The following RNF183 variants were observed in gnomAD, a reference collection of about 807,000 sequenced individuals.
The protein encoded by RNF183 is ring finger protein 183.
RNF183 carries 4 observed loss-of-function variants against 9.0 expected under a neutral mutation model. The observed-to-expected ratio is 0.44, with a 90% CI of 0.22 to 1.01. The LOEUF (loss-of-function observed/expected upper bound fraction) is 1.01. RNF183 is among the 50% of genes least tolerant of loss of function. RNF183 has a pLI of 0.25. For synonymous variants in RNF183, 102 were observed against 107.5 expected, an observed-to-expected ratio of 0.95 and a Z score of 0.32; for missense variants, 227 against 253.6, an observed-to-expected ratio of 0.89 and a Z score of 0.71.
In RNF183 at chr9:113,298,280, C is replaced by T. The variant is rs1010119813; in HGVS notation, c.-37-59G>A. ...CATGAAGTCCCATCCTTGTGCTTGGCCTGGGGCAAAGTGTTCTGTGGGTGT... is the reference window on the plus strand; with the variant it reads ...CATGAAGTCCCATCCTTGTGCTTGGTCTGGGGCAAAGTGTTCTGTGGGTGT... On this transcript the variant is annotated intron_variant, in intron 4 of 4. Transcript: ENST00000489339. The surrounding 1 kb of genome is among the most constrained non-coding windows in gnomAD (Gnocchi z 4.9). 5 of 1,078,758 alleles carry T rather than the reference C, an allele frequency of 4.6e-6. No individual in the cohort carries two copies. The African/African-American group carries it at 6.3e-5, about 14-fold the overall frequency. The allele number at this position is 1,078,758 out of a possible 1,614,324, so 66.8% of individuals were successfully genotyped here.
chr9:113,300,559 G>A (rs1462483360), intron 3 of RNF183, among the ~76,000 whole-genome samples: 1 of 152,218 alleles, frequency 6.6e-6, no homozygotes, highest in Non-Finnish European at 1.5e-5. Flanking sequence ...AGAGATGACA[G>A]AAGAGCTGAG....
At chr9:113,300,461 AT>A in intron 3 of RNF183, among the ~76,000 whole-genome samples, 1 of 152,226 alleles carries the variant, frequency 6.6e-6, no homozygotes, top group Non-Finnish European at 1.5e-5. Context: ...CACAATTTTA[AT>A]GGTTGTTAAT....
In RNF183 at chr9:113,297,661, A is replaced by C; in HGVS notation, c.524T>G (p.Leu175Arg). The C allele has an allele frequency of 6.2e-7, 1 of 1,613,364 alleles. No homozygotes were observed. The highest frequency in any genetic ancestry group is 8.5e-7 in the Non-Finnish European group (1 of 1,179,642). The part of the protein sequence containing the change: ...YLMAVILSVT[L>R]LLIFSIFWTK... ...CCAAAAGATGGAGAATATGAGCAAC[A>C]GAGTGACACTGAGGATGACGGCCAT... Residue 175 changes from leucine to arginine, a missense_variant, in exon 5 of 5, where the codon CTG becomes CGG. Leu to Arg is a moderately radical substitution (Grantham distance 102). Coordinates refer to ENST00000489339, the MANE Select transcript of RNF183 (RefSeq NM_001371237.1).
chr9:113,299,364 G>A (rs955478204), intron 4 of RNF183: 4 of 152,362 alleles, frequency 2.6e-5, no homozygotes, highest in Admixed American at 2.0e-4. Context: ...GGGTAACTGA[G>A]TCTTCTGGGC....
rs1314864925 is a variant in RNF183 at position 113,297,435 on chromosome 9, G to GT, written c.*170dup. The GT allele has an allele frequency of 1.1e-5, 6 of 526,574 alleles. No individual in the cohort carries two copies. The South Asian group carries it at 1.4e-4, about 12-fold the overall frequency. 32.6% of individuals were successfully genotyped at this position (526,574 alleles called of 1,614,324 possible). A position where few individuals can be genotyped will look rare whatever the true frequency, so the allele number is the denominator to read the frequency against. On this transcript the variant is annotated 3_prime_UTR_variant, in exon 5 of 5. Coordinates refer to ENST00000489339, the MANE Select transcript of RNF183 (RefSeq NM_001371237.1). The stretch of plus-strand genomic sequence containing the variant: ...CATCTCCCAGTCCTTCAAGCTTTTC[G>GT]TTTTTTTGTTTTTTTTTAAAATTGT...
rs1374617537 is a variant in RNF183 at position 113,299,721 on chromosome 9, T to G, written c.-187A>C. On this transcript the variant is annotated 5_prime_UTR_variant, in exon 4 of 5. Coordinates refer to ENST00000489339, the MANE Select transcript of RNF183 (RefSeq NM_001371237.1). ...CTTCTCCGTTTCAACCAGAAATACTTGGCTTTTCTCTGTTTCTCATATGGG... is the reference window on the plus strand; with the variant it reads ...CTTCTCCGTTTCAACCAGAAATACTGGGCTTTTCTCTGTTTCTCATATGGG... The G allele has an allele frequency of 6.6e-6, 1 of 152,216 alleles. No homozygotes were observed. The highest frequency in any genetic ancestry group is 1.5e-5 in the Non-Finnish European group (1 of 68,040). 9.4% of individuals were successfully genotyped at this position (152,216 alleles called of 1,614,324 possible). A position where few individuals can be genotyped will look rare whatever the true frequency, so the allele number is the denominator to read the frequency against.
chr9:113,298,132 T>A lies in RNF183; in HGVS notation c.53A>T (p.Asn18Ile), dbSNP rs917076572. Residue 18 changes from asparagine to isoleucine, a missense_variant, in exon 5 of 5, where the codon AAC (asparagine) becomes ATC (isoleucine). Physicochemically the swap from Asn to Ile is moderately radical, Grantham distance 149 (BLOSUM62 -3). Transcript: ENST00000489339. This position sits in a 1 kb window ranked among gnomAD's most constrained non-coding sequence, Gnocchi z 4.9. ...GGTATGGAACGTGTTGTTGAAGGGG[T>A]TCCAGCAGACGGGGCACTCAGCCTC... The part of the protein sequence containing the change: ...ELEAECPVCW[N>I]PFNNTFHTPK... 1.2e-6 allele frequency: 2 copies of A among 1,613,284 alleles called. No individual in the cohort carries two copies. Among genetic ancestry groups the A allele is most frequent in the African/African-American group, 2.7e-5 (2 of 74,746 alleles).
At chr9:113,302,578 T>C (rs1030545900) in intron 1 of RNF183, among the ~76,000 whole-genome samples, 2 of 152,148 alleles carry the variant, frequency 1.3e-5, no homozygotes, top group Admixed American at 6.5e-5. Flanking sequence ...TTTGGGATTT[T>C]TTGTTGTTGT....
At position 113,298,035 on chromosome 9, in the gene RNF183, G is replaced by A; in HGVS notation, c.150C>T (p.Ala50=). Residue 50 remains alanine, a synonymous_variant, in exon 5 of 5, where the codon GCC becomes GCT. Transcript: ENST00000489339. This position sits in a 1 kb window ranked among gnomAD's most constrained non-coding sequence, Gnocchi z 4.9. ...AGAGTGGGCACAGCAGGCGGCGCCG[G>A]GCTGGAGTCACAAGGCTGAGGTGGG... is the stretch of plus-strand genomic sequence containing the variant. ...CLAHLSLVTP[A]RRRLLCPLCR... is the part of the protein sequence containing the mutation. 6.2e-7 allele frequency: 1 copy of A among 1,614,034 alleles called. No homozygotes were observed. The highest frequency in any genetic ancestry group is 8.5e-7 in the Non-Finnish European group (1 of 1,180,018).
At chr9:113,299,282 C>G (rs546415818) in intron 4 of RNF183, 1 of 152,458 alleles carries the variant, frequency 6.6e-6, no homozygotes, top group Non-Finnish European at 1.5e-5. Flanking sequence ...AGATTGTGGG[C>G]AGTCCCTTCA....
chr9:113,300,595 C>T (rs1015194341), intron 3 of RNF183, among the ~76,000 whole-genome samples: 2 of 152,068 alleles, frequency 1.3e-5, no homozygotes, highest in Admixed American at 6.5e-5. Flanking sequence ...AATCCAGCCA[C>T]GCACAGTGGA....
chr9:113,298,267 T>A lies in RNF183; in HGVS notation c.-37-46A>T. Reference sequence around the variant, plus strand: ...GCAAAGGAACAGCCATGAAGTCCCATCCTTGTGCTTGGCCTGGGGCAAAGT... The same window carrying A: ...GCAAAGGAACAGCCATGAAGTCCCAACCTTGTGCTTGGCCTGGGGCAAAGT... On this transcript the variant is annotated intron_variant, in intron 4 of 4. Coordinates refer to ENST00000489339, the MANE Select transcript of RNF183 (RefSeq NM_001371237.1). This position sits in a 1 kb window ranked among gnomAD's most constrained non-coding sequence, Gnocchi z 4.9. 7 of 1,214,472 alleles carry A rather than the reference T, an allele frequency of 5.8e-6. No individual in the cohort carries two copies. Among genetic ancestry groups the A allele is most frequent in the Non-Finnish European group, 5.9e-6 (5 of 845,898 alleles). The allele number at this position is 1,214,472 out of a possible 1,614,324, so 75.2% of individuals were successfully genotyped here.
rs565143383 is a variant in RNF183, at chr9:113,297,851, G to A, written c.334C>T (p.Gln112Ter). Residue 112 changes from glutamine to a stop codon, truncating the protein, a stop_gained, in exon 5 of 5, where the codon CAG becomes TAG. Transcript: ENST00000489339. LOFTEE classifies it high-confidence loss of function. ...DQPKSRYFLR[Q>*]PQVYTLDLGP... Reference sequence around the variant, plus strand: ...AGGTCCAGCGTGTAGACTTGAGGCTGGCGCAGGAAGTAGCGGCTCTTGGGC... The same window carrying A: ...AGGTCCAGCGTGTAGACTTGAGGCTAGCGCAGGAAGTAGCGGCTCTTGGGC... The A allele has an allele frequency of 1.2e-6, 2 of 1,609,770 alleles. No individual in the cohort carries two copies. The highest frequency in any genetic ancestry group is 1.7e-5 in the Admixed American group (1 of 59,768).
intron 4 of RNF183, 49 bp downstream of exon 4, chr9:113,299,523 C>T (rs1832850069): frequency 6.6e-6 from 1 of 152,170 alleles, no homozygotes; most frequent in African/African-American, 2.4e-5. Context: ...GTCCAGTCAC[C>T]CGCTGATCTT....
rs1379513632 is a variant in RNF183 at position 113,298,214 on chromosome 9, G to A, written c.-30C>T. Reference sequence around the variant, plus strand: ...AGCCACACACGGGGAGGCTTCGCGGGAGACGTCCTGGCAGAAGGGGGAAAG... The same window carrying A: ...AGCCACACACGGGGAGGCTTCGCGGAAGACGTCCTGGCAGAAGGGGGAAAG... On this transcript the variant is annotated 5_prime_UTR_variant, in exon 5 of 5. Coordinates refer to ENST00000489339, the MANE Select transcript of RNF183 (RefSeq NM_001371237.1). This position sits in a 1 kb window ranked among gnomAD's most constrained non-coding sequence, Gnocchi z 4.9. 1 of 1,563,560 alleles carries A rather than the reference G, an allele frequency of 6.4e-7. No individual in the cohort carries two copies. Among genetic ancestry groups the A allele is most frequent in the African/African-American group, 1.3e-5 (1 of 74,222 alleles).
At chr9:113,302,374 TA>T (rs1832943692) in intron 1 of RNF183, 61 bp from the exon 2 acceptor site, 2 of 152,196 alleles carry the variant, frequency 1.3e-5, no homozygotes, top group Non-Finnish European at 2.9e-5. Context: ...TCAGCTACAG[TA>T]AATCCTAAAC....
rs555279934 is a variant in RNF183 at position 113,297,456 on chromosome 9, A to G, written c.*150T>C. The G allele has an allele frequency of 5.5e-6, 3 of 545,798 alleles. No individual in the cohort carries two copies. Among genetic ancestry groups the G allele is most frequent in the Non-Finnish European group, 9.4e-6 (3 of 320,150 alleles). 33.8% of individuals were successfully genotyped at this position (545,798 alleles called of 1,614,324 possible). A position where few individuals can be genotyped will look rare whatever the true frequency, so the allele number is the denominator to read the frequency against. On this transcript the variant is annotated 3_prime_UTR_variant, in exon 5 of 5. Coordinates refer to ENST00000489339, the MANE Select transcript of RNF183 (RefSeq NM_001371237.1). ...TTTCGTTTTTTTGTTTTTTTTTAAA[A>G]TTGTTCCCAGAAGCAAACACATGGC...
chr9:113,298,089 G>A lies in RNF183; in HGVS notation c.96C>T (p.Cys32=), dbSNP rs1203911478. 6.2e-7 allele frequency: 1 copy of A among 1,614,070 alleles called. No individual in the cohort carries two copies. Among genetic ancestry groups the A allele is most frequent in the Admixed American group, 1.7e-5 (1 of 60,018 alleles). ...NTFHTPKMLD[C]CHSFCVECLA... ...GACATTCCACGCAGAAGGAGTGGCAGCAATCCAGCATTTTGGGGGTATGGA... is the reference window on the plus strand; with the variant it reads ...GACATTCCACGCAGAAGGAGTGGCAACAATCCAGCATTTTGGGGGTATGGA... The change falls in exon 5 of 5, where the codon TGC becomes TGT. Residue 32 remains cysteine (C), a synonymous_variant. Transcript: ENST00000489339. The surrounding 1 kb of genome is among the most constrained non-coding windows in gnomAD (Gnocchi z 4.9).
At position 113,298,895 on chromosome 9, in the gene RNF183, C is replaced by G. The variant is rs1832827988; in HGVS notation, c.-37-674G>C. ...CTCTTCCCCTTCCAGAGCCTCTTCC[C>G]CATCCTCTGCCTACCCTGGCTCCTC... On this transcript the variant is annotated intron_variant, in intron 4 of 4. Transcript: ENST00000489339. This position sits in a 1 kb window ranked among gnomAD's most constrained non-coding sequence, Gnocchi z 4.9. 1 of 154,146 alleles carries G rather than the reference C, an allele frequency of 6.5e-6. No homozygotes were observed. The highest frequency in any genetic ancestry group is 2.4e-5 in the African/African-American group (1 of 41,468). The allele number at this position is 154,146 out of a possible 1,614,324, so 9.5% of individuals were successfully genotyped here. A position where few individuals can be genotyped will look rare whatever the true frequency, so the allele number is the denominator to read the frequency against.
Sources: gnomAD v4.1 joint callset for allele counts (sites outside exome capture counted in the v4.1 genomes callset) on GRCh38, gnomAD v4.1.1 for gene constraint, Gnocchi (gnomAD v3.1) non-coding constraint, MANE v1.5 for transcripts, NCBI Gene and HGNC (gene_info 2026-07-23, HGNC 2026-07-21) for gene names.